Variants in ADAMTS12 observed in about 807,000 individuals in gnomAD.
The protein encoded by ADAMTS12 is A disintegrin and metalloproteinase with thrombospondin motifs 12.
Under a neutral mutation model 167.8 loss-of-function variants are expected in ADAMTS12, and 118 were observed. That is an observed-to-expected ratio of 0.70 (90% CI 0.61 to 0.82). ADAMTS12 has a LOEUF of 0.82. Among genes scored for constraint, ADAMTS12 ranks in the 40% least tolerant of loss-of-function variants. The pLI is 0.00. For synonymous variants in ADAMTS12, 704 were observed against 716.9 expected, an observed-to-expected ratio of 0.98 and a Z score of 0.29; for missense variants, 1,916 against 1,998.8, an observed-to-expected ratio of 0.96 and a Z score of 0.79.
intron 1 of ADAMTS12, among the ~76,000 whole-genome samples, chr5:33,888,464 CAA>C (rs1750720652): frequency 6.6e-6 from 1 of 152,146 alleles, no homozygotes; most frequent in South Asian, 2.1e-4. Context: ...ATAATCAACA[CAA>C]AATATCAAAT....
At chr5:33,544,460 C>T (rs1041351831) in intron 22 of ADAMTS12, among the ~76,000 whole-genome samples, 2 of 151,920 alleles carry the variant, frequency 1.3e-5, no homozygotes, top group African/African-American at 4.8e-5. Flanking sequence ...AGATTCAATG[C>T]CATCCCCATC....
At chr5:33,850,832 C>A (rs1348174109) in intron 2 of ADAMTS12, among the ~76,000 whole-genome samples, 1 of 152,148 alleles carries the variant, frequency 6.6e-6, no homozygotes, top group East Asian at 1.9e-4. Context: ...AGGTCACCCA[C>A]CAATAAAACA....
intron 10 of ADAMTS12, among the ~76,000 whole-genome samples, chr5:33,642,836 A>T (rs1740513114): frequency 6.6e-6 from 1 of 152,162 alleles, no homozygotes; most frequent in South Asian, 2.1e-4. Flanking sequence ...AGATGCCCAC[A>T]AAACATGTAA....
chr5:33,556,572 C>G (rs1745496960), intron 20 of ADAMTS12, among the ~76,000 whole-genome samples: 1 of 152,218 alleles, frequency 6.6e-6, no homozygotes, highest in Non-Finnish European at 1.5e-5. Context: ...TGTAACTCCA[C>G]TTGTTATCAC....
chr5:33,885,644 A>G (rs1240155415), intron 1 of ADAMTS12, among the ~76,000 whole-genome samples: 1 of 152,220 alleles, frequency 6.6e-6, no homozygotes, highest in Non-Finnish European at 1.5e-5. Context: ...CCATGATACA[A>G]GGCAGTCTGA....
In ADAMTS12 at chr5:33,582,448, C is replaced by T. The variant is rs1002393358; in HGVS notation, c.2866-5288G>A. 3.3e-5 allele frequency among the ~76,000 whole-genome samples: 5 copies of T among 152,310 alleles called. No individual in the cohort carries two copies. In the East Asian group the frequency reaches 7.7e-4, roughly 24 times the overall value. ...CCTATCCCTCCATGCTCTCTTCCCTCGGGTGGCAGGGACTTCACATGAGTC... is the reference window on the plus strand; with the variant it reads ...CCTATCCCTCCATGCTCTCTTCCCTTGGGTGGCAGGGACTTCACATGAGTC... On this transcript the variant is annotated intron_variant, in intron 18 of 23. Transcript: ENST00000504830.
chr5:33,864,769 C>T (rs1402952092), intron 2 of ADAMTS12, among the ~76,000 whole-genome samples: 2 of 152,148 alleles, frequency 1.3e-5, no homozygotes, highest in African/African-American at 4.8e-5. Flanking sequence ...TGTTCTCACT[C>T]TTAAGTGGGA....
At chr5:33,839,770 C>T (rs980629764) in intron 2 of ADAMTS12, among the ~76,000 whole-genome samples, 1 of 152,190 alleles carries the variant, frequency 6.6e-6, no homozygotes, top group African/African-American at 2.4e-5. Flanking sequence ...TTCACTGAAA[C>T]GCAAGCAATA....
At chr5:33,632,381 T>C (rs1477246708) in intron 12 of ADAMTS12, among the ~76,000 whole-genome samples, 1 of 62,732 alleles carries the variant, frequency 1.6e-5, no homozygotes, top group Non-Finnish European at 4.5e-5. Context: ...CAAGCACATG[T>C]GCTCCCTGAA....
chr5:33,693,663 T>C (rs538356844), intron 3 of ADAMTS12, among the ~76,000 whole-genome samples: 47 of 146,388 alleles, frequency 3.2e-4, no homozygotes, highest in Admixed American at 1.2e-3. Context: ...TGAAGGAACA[T>C]ACCTCACAAT....
chr5:33,696,346 G>T (rs996195135), intron 3 of ADAMTS12, among the ~76,000 whole-genome samples: 84 of 151,272 alleles, frequency 5.6e-4, no homozygotes, highest in Non-Finnish European at 8.8e-5. Context: ...GCGGGAACCC[G>T]GGAGGCAGAG....
rs758800718 is a variant in ADAMTS12 at position 33,686,720 on chromosome 5, G to A, written c.635-2665C>T. On this transcript the variant is annotated intron_variant, in intron 3 of 23. Coordinates refer to ENST00000504830, the MANE Select transcript of ADAMTS12 (RefSeq NM_030955.4). ...CAGAGCCCTCTCTTTCTCTCAGAGAGAGGAGACATGAAGACACAGCAGGAA... is the reference window on the plus strand; with the variant it reads ...CAGAGCCCTCTCTTTCTCTCAGAGAAAGGAGACATGAAGACACAGCAGGAA... Among the ~76,000 whole-genome samples the A allele has an allele frequency of 4.9e-4, 74 of 151,270 alleles. 3 individuals are homozygous for A. The highest frequency in any genetic ancestry group is 5.3e-4 in the Admixed American group (8 of 15,186).
At chr5:33,664,583 A>C (rs1194927802) in intron 5 of ADAMTS12, among the ~76,000 whole-genome samples, 1 of 152,218 alleles carries the variant, frequency 6.6e-6, no homozygotes. Context: ...AGGAAATGCA[A>C]ATTAAAACTA....
At chr5:33,602,547 G>A (rs1451324502) in intron 16 of ADAMTS12, among the ~76,000 whole-genome samples, 1 of 152,166 alleles carries the variant, frequency 6.6e-6, no homozygotes, top group Non-Finnish European at 1.5e-5. Context: ...GGTGGACAAA[G>A]TCAGATGGAT....
chr5:33,638,217 C>T (rs1246829095), intron 11 of ADAMTS12, among the ~76,000 whole-genome samples: 2 of 152,174 alleles, frequency 1.3e-5, no homozygotes, highest in Non-Finnish European at 2.9e-5. Context: ...ATTCCTATCT[C>T]TACTTTTAAA....
chr5:33,648,893 C>T lies in ADAMTS12; in HGVS notation c.1408G>A (p.Val470Met). ...GLKSKVIAPG[V>M]IYDVHHQCQL... ...CACTGGTGGTGAACATCATAGATCA[C>T]TCCGGGGGCAATGACCTTGGACTTC... Residue 470 changes from valine to methionine, a missense_variant, in exon 9 of 24, where the codon GTG becomes ATG. Coordinates refer to ENST00000504830, the MANE Select transcript of ADAMTS12 (RefSeq NM_030955.4). 1 of 1,614,090 alleles carries T rather than the reference C, an allele frequency of 6.2e-7. No homozygotes were observed. The highest frequency in any genetic ancestry group is 1.3e-5 in the African/African-American group (1 of 75,034).
intron 3 of ADAMTS12, among the ~76,000 whole-genome samples, chr5:33,735,400 C>A (rs1744335023): frequency 6.6e-6 from 1 of 152,086 alleles, no homozygotes; most frequent in African/African-American, 2.4e-5. Context: ...TATTAAAGGG[C>A]CAGATAGTAA....
At chr5:33,830,950 C>T (rs540861058) in intron 2 of ADAMTS12, among the ~76,000 whole-genome samples, 10 of 152,230 alleles carry the variant, frequency 6.6e-5, no homozygotes, top group African/African-American at 2.4e-4. Context: ...GAAGCCCATA[C>T]TAAAACAGTA....
chr5:33,573,542 T>G (rs895994130), intron 19 of ADAMTS12, among the ~76,000 whole-genome samples: 1 of 152,184 alleles, frequency 6.6e-6, no homozygotes, highest in Non-Finnish European at 1.5e-5. Flanking sequence ...TGGCTAGCCA[T>G]ATGTAGAAAG....
Sources: allele counts gnomAD v4.1 joint callset (sites outside exome capture counted in the v4.1 genomes callset), GRCh38; gene constraint gnomAD v4.1.1; transcripts MANE v1.5; gene names NCBI Gene and HGNC (gene_info 2026-07-23, HGNC 2026-07-21).